LDB2: variants seen among roughly 807,000 people sequenced by gnomAD.
The protein encoded by LDB2 is LIM domain binding 2, also known as LIM domain-binding protein 2.
Under a neutral mutation model 44.3 loss-of-function variants are expected in LDB2, and 12 were observed. The ratio of observed to expected loss-of-function variants is 0.27; its 90% CI spans 0.17 to 0.44. LDB2 has a LOEUF of 0.44. LDB2 is among the 20% of genes least tolerant of loss of function. The pLI, the probability that LDB2 is intolerant of heterozygous loss-of-function variation, is 1.00. For synonymous variants in LDB2, 164 were observed against 174.8 expected, an observed-to-expected ratio of 0.94 and a Z score of 0.49; for missense variants, 344 against 473.5, an observed-to-expected ratio of 0.73 and a Z score of 2.54.
intron 1 of LDB2, among the ~76,000 whole-genome samples, chr4:16,796,245 C>A (rs11939181): frequency 0.071 from 10,762 of 152,054 alleles, 1,265 homozygotes; most frequent in African/African-American, 0.24. Context: ...AGATCGTGCC[C>A]CTGCACTCCA....
At chr4:16,850,761 A>T (rs918015892) in intron 1 of LDB2, among the ~76,000 whole-genome samples, 2 of 152,184 alleles carry the variant, frequency 1.3e-5, no homozygotes, top group Non-Finnish European at 2.9e-5. Flanking sequence ...TCACTGAAAC[A>T]TGAGACATAG....
At chr4:16,769,292 TTTTTTA>T (rs1380696834) in intron 1 of LDB2, among the ~76,000 whole-genome samples, 2 of 104,068 alleles carry the variant, frequency 1.9e-5, no homozygotes, top group East Asian at 4.9e-4. Flanking sequence ...ATTCTTTTTA[TTTTTTA>T]TTTTTATTTT....
In LDB2 at chr4:16,835,030, T is replaced by C. The variant is rs186374878; in HGVS notation, c.132+63324A>G. On this transcript the variant is annotated intron_variant, in intron 1 of 7. Coordinates refer to ENST00000304523, the MANE Select transcript of LDB2 (RefSeq NM_001290.5). ...TCCCAAATCACAGAGCTGTACATGGTGCAGACTGCTTGATCCCAGTGGCTT... is the reference window on the plus strand; with the variant it reads ...TCCCAAATCACAGAGCTGTACATGGCGCAGACTGCTTGATCCCAGTGGCTT... 2.5e-4 allele frequency among the ~76,000 whole-genome samples: 38 copies of C among 152,308 alleles called. No individual in the cohort carries two copies. In the East Asian group the frequency reaches 6.9e-3, roughly 28 times the overall value.
At chr4:16,882,522 G>T (rs541287553) in intron 1 of LDB2, among the ~76,000 whole-genome samples, 2 of 151,990 alleles carry the variant, frequency 1.3e-5, no homozygotes, top group Non-Finnish European at 2.9e-5. Flanking sequence ...TATCCTAAGG[G>T]TATCTGGTAT....
At chr4:16,702,841 C>T (rs1262615096) in intron 2 of LDB2, among the ~76,000 whole-genome samples, 1 of 152,196 alleles carries the variant, frequency 6.6e-6, no homozygotes, top group Non-Finnish European at 1.5e-5. Context: ...GACCTCCAGC[C>T]CTATCCTTCC....
At chr4:16,723,671 C>G (rs573221561) in intron 2 of LDB2, among the ~76,000 whole-genome samples, 23 of 152,104 alleles carry the variant, frequency 1.5e-4, no homozygotes, top group Non-Finnish European at 3.4e-4. Context: ...CCTGGAGCCA[C>G]GTGGACCTTC....
intron 1 of LDB2, among the ~76,000 whole-genome samples, chr4:16,816,002 G>T (rs928472621): frequency 2.0e-5 from 3 of 152,200 alleles, no homozygotes; most frequent in African/African-American, 2.4e-5. Context: ...GAGGTCAGAA[G>T]TTCGAGACCA....
intron 2 of LDB2, among the ~76,000 whole-genome samples, chr4:16,717,181 A>G (rs201327065): frequency 7.3e-5 from 8 of 109,482 alleles, no homozygotes; most frequent in African/African-American, 2.1e-4. Context: ...TAATAATAAT[A>G]ATAATAATGA....
At position 16,898,515 on chromosome 4, in the gene LDB2, C is replaced by G; in HGVS notation, c.-30G>C. 3 of 1,611,560 alleles carry G rather than the reference C, an allele frequency of 1.9e-6. No homozygotes were observed. The highest frequency in any genetic ancestry group is 1.7e-6 in the Non-Finnish European group (2 of 1,178,668). On this transcript the variant is annotated 5_prime_UTR_variant, in exon 1 of 8. Transcript: ENST00000304523. ...CCTGCTTTTCGAAAATCAAGCTAAA[C>G]AGAGTATCAGTAACGTCCATGCAGA...
At chr4:16,699,457 A>G (rs183904562) in intron 2 of LDB2, among the ~76,000 whole-genome samples, 103 of 152,336 alleles carry the variant, frequency 6.8e-4, no homozygotes, top group African/African-American at 2.3e-3. Context: ...GAGTTTGTCT[A>G]TAAAACTAGT....
intron 5 of LDB2, among the ~76,000 whole-genome samples, chr4:16,578,170 C>T (rs749844561): frequency 5.3e-5 from 8 of 151,986 alleles, no homozygotes; most frequent in Non-Finnish European, 1.0e-4. Context: ...ACTTCTTGAC[C>T]AATACCCCAC....
At chr4:16,643,376 T>C (rs1471988435) in intron 2 of LDB2, among the ~76,000 whole-genome samples, 2 of 152,238 alleles carry the variant, frequency 1.3e-5, no homozygotes, top group Non-Finnish European at 2.9e-5. Context: ...TATCAAAGGA[T>C]TGATAATAGT....
In LDB2 at chr4:16,730,337, T is replaced by A. The variant is rs1760474128; in HGVS notation, c.235+28821A>T. 1.3e-5 allele frequency among the ~76,000 whole-genome samples: 2 copies of A among 152,142 alleles called. 1 individual carries two copies. The highest frequency in any genetic ancestry group is 4.1e-4 in the South Asian group (2 of 4,822). On this transcript the variant is annotated intron_variant, in intron 2 of 7. Coordinates refer to ENST00000304523, the MANE Select transcript of LDB2 (RefSeq NM_001290.5). The stretch of plus-strand genomic sequence containing the variant: ...TCATTATCATAGTTACGACTTTGTA[T>A]TGTCTGGTCTTTGATTAATGCCTGT...
chr4:16,855,109 A>G (rs980625910), intron 1 of LDB2, among the ~76,000 whole-genome samples: 7 of 152,128 alleles, frequency 4.6e-5, no homozygotes, highest in Admixed American at 3.3e-4. Context: ...ACTGTTCTCA[A>G]GTACTCTCCG....
chr4:16,510,937 C>T (rs1482033035), intron 6 of LDB2, among the ~76,000 whole-genome samples: 1 of 152,030 alleles, frequency 6.6e-6, no homozygotes, highest in Admixed American at 6.6e-5. Context: ...TACGTTTTCT[C>T]CATAAAGTCT....
chr4:16,581,980 AAGGGAAG>A lies in LDB2; in HGVS notation c.615+3935_615+3941del, dbSNP rs2152419332. On this transcript the variant is annotated intron_variant, in intron 5 of 7. Coordinates refer to ENST00000304523, the MANE Select transcript of LDB2 (RefSeq NM_001290.5). ...AAATAAAAGAAAGAAGGAAGGAAGG[AAGGGAAG>A]GAAGGGAAGGAAGGGAAGGAAGGAA... Among the ~76,000 whole-genome samples, 3 of 116,996 alleles carry A rather than the reference AAGGGAAG, an allele frequency of 2.6e-5. No individual in the cohort carries two copies. In the East Asian group the frequency reaches 7.7e-4, roughly 30 times the overall value. The allele number at this position is 116,996 out of a possible 152,430, so 76.8% of individuals were successfully genotyped here.
intron 2 of LDB2, among the ~76,000 whole-genome samples, chr4:16,751,173 T>C (rs1468895509): frequency 1.3e-5 from 2 of 152,184 alleles, no homozygotes; most frequent in Non-Finnish European, 2.9e-5. Context: ...TAGATATGAC[T>C]TGCATTTAAG....
At chr4:16,841,224 T>C (rs1160178875) in intron 1 of LDB2, among the ~76,000 whole-genome samples, 3 of 150,646 alleles carry the variant, frequency 2.0e-5, no homozygotes, top group Non-Finnish European at 4.5e-5. Flanking sequence ...CTTTGACATT[T>C]CTGAACAGAC....
chr4:16,741,749 C>G (rs1763292502), intron 2 of LDB2, among the ~76,000 whole-genome samples: 2 of 152,200 alleles, frequency 1.3e-5, no homozygotes, highest in African/African-American at 4.8e-5. Context: ...CTGCTGCCCC[C>G]TGGAGAGATT....
Sources: gnomAD v4.1 joint callset for allele counts (sites outside exome capture counted in the v4.1 genomes callset) on GRCh38, gnomAD v4.1.1 for gene constraint, MANE v1.5 for transcripts, NCBI Gene and HGNC (gene_info 2026-07-23, HGNC 2026-07-21) for gene names.